Variants in NOL10 observed in about 807,000 individuals in gnomAD.
NOL10 encodes the protein nucleolar protein 10.
In NOL10, 58 loss-of-function variants were observed where a neutral mutation model predicts 103.5. That is an observed-to-expected ratio of 0.56 (90% CI 0.45 to 0.70). The LOEUF is 0.70. Ranked by LOEUF, NOL10 falls within the 30% of genes least tolerant of loss-of-function variation. The pLI is 0.00. For missense variants in NOL10, 763 were observed against 807.3 expected, an observed-to-expected ratio of 0.95 and a Z score of 0.67; for synonymous variants, 287 against 282.5, an observed-to-expected ratio of 1.02 and a Z score of -0.16.
Position 10,675,651 on chromosome 2 carries a change from T to C in NOL10, c.289+143A>G, listed in dbSNP as rs1351612690. ...ACACAACTGTGAGCTACTAAATGGA[T>C]GTTTTAAGCCATCGGGATTGTAGTA... On this transcript the variant is annotated intron_variant, in intron 4 of 20. Transcript: ENST00000381685. 1.3e-5 allele frequency: 7 copies of C among 554,536 alleles called. No individual in the cohort carries two copies. In the Admixed American group the frequency reaches 2.4e-4, roughly 19 times the overall value. The allele number at this position is 554,536 out of a possible 1,614,324, so 34.4% of individuals were successfully genotyped here. A position where few individuals can be genotyped will look rare whatever the true frequency, so the allele number is the denominator to read the frequency against.
intron 19 of NOL10, among the ~76,000 whole-genome samples, chr2:10,578,731 A>C (rs1674600323): frequency 6.6e-6 from 1 of 152,254 alleles, no homozygotes; most frequent in Non-Finnish European, 1.5e-5. Flanking sequence ...AATAAACTGA[A>C]TTAAGCCTAA....
At position 10,589,193 on chromosome 2, in the gene NOL10, C is replaced by A. The variant is rs141413971; in HGVS notation, c.1694G>T (p.Arg565Leu). 3.4e-5 allele frequency: 55 copies of A among 1,613,982 alleles called. No homozygotes were observed. Among genetic ancestry groups the A allele is most frequent in the Non-Finnish European group, 4.6e-5 (54 of 1,179,872 alleles). ...TTTTTCCTCCTGCTGGAGGAGTCTG[C>A]GTTGCTTCCTGACCTCTTCAACCCA... ...KAWVEEVRKQ[R>L]RLLQQEEKVK... is the part of the protein sequence containing the mutation. The change falls in exon 19 of 21, where the codon CGC becomes CTC. Residue 565 changes from arginine to leucine, a missense_variant. Physicochemically the swap from Arg to Leu is moderately radical, Grantham distance 102. Coordinates refer to ENST00000381685, the MANE Select transcript of NOL10 (RefSeq NM_024894.4).
At chr2:10,592,968 T>C (rs1675468379) in intron 17 of NOL10, among the ~76,000 whole-genome samples, 1 of 152,154 alleles carries the variant, frequency 6.6e-6, no homozygotes, top group Non-Finnish European at 1.5e-5. Flanking sequence ...CGTCTACACA[T>C]GCTCAACTTT....
rs189697659 is a variant in NOL10, at chr2:10,580,799, G to A, written c.1845-3061C>T. Among the ~76,000 whole-genome samples the A allele has an allele frequency of 5.9e-5, 9 of 152,064 alleles. No individual in the cohort carries two copies. The East Asian group carries it at 9.7e-4, about 16-fold the overall frequency. ...CCTCAGATGAGAGGTTTTGAATCCCGCTGCATGGAAGGGGCGGTGTGGGGG... is the reference window on the plus strand; with the variant it reads ...CCTCAGATGAGAGGTTTTGAATCCCACTGCATGGAAGGGGCGGTGTGGGGG... On this transcript the variant is annotated intron_variant, in intron 19 of 20. Transcript: ENST00000381685.
chr2:10,641,675 C>T (rs73915072), intron 13 of NOL10, among the ~76,000 whole-genome samples: 2,414 of 152,276 alleles, frequency 0.016, 61 homozygotes, highest in African/African-American at 0.054. Flanking sequence ...AAGCAAAAAC[C>T]GGGGTGTCAT....
chr2:10,635,634 C>G (rs749805020), intron 13 of NOL10, among the ~76,000 whole-genome samples: 4 of 152,190 alleles, frequency 2.6e-5, no homozygotes, highest in Non-Finnish European at 5.9e-5. Flanking sequence ...CCTTCCTTCA[C>G]AGCGCTTAGT....
chr2:10,614,248 G>C (rs114552608), intron 13 of NOL10, among the ~76,000 whole-genome samples: 5,662 of 152,102 alleles, frequency 0.037, 205 homozygotes, highest in African/African-American at 0.094. Context: ...ACATGAGCCA[G>C]AGTGCCCAGC....
chr2:10,585,817 C>T (rs748383138), intron 19 of NOL10, among the ~76,000 whole-genome samples: 3 of 152,110 alleles, frequency 2.0e-5, no homozygotes, highest in Non-Finnish European at 2.9e-5. Context: ...AGTTGTTATA[C>T]TATTGTTTAG....
intron 13 of NOL10, among the ~76,000 whole-genome samples, chr2:10,623,686 G>A (rs1053021962): frequency 6.6e-6 from 1 of 152,036 alleles, no homozygotes; most frequent in Non-Finnish European, 1.5e-5. Context: ...ACAAATGTTT[G>A]TATAATAAAT....
At chr2:10,584,504 T>A (rs1426679817) in intron 19 of NOL10, among the ~76,000 whole-genome samples, 1 of 97,332 alleles carries the variant, frequency 1.0e-5, no homozygotes, top group East Asian at 3.1e-4. Flanking sequence ...CCTTTCCCTT[T>A]ATAGAAACAT....
chr2:10,657,100 T>C (rs750707168), intron 11 of NOL10, among the ~76,000 whole-genome samples: 20 of 152,070 alleles, frequency 1.3e-4, no homozygotes, highest in Non-Finnish European at 2.1e-4. Context: ...AGGCGGATCA[T>C]TTGAGGCCAG....
chr2:10,648,686 TCTAAA>T, intron 12 of NOL10, among the ~76,000 whole-genome samples: 1 of 152,218 alleles, frequency 6.6e-6, no homozygotes, highest in African/African-American at 2.4e-5. Flanking sequence ...CCAAATTTAA[TCTAAA>T]CTTAATTAAG....
At position 10,615,524 on chromosome 2, in the gene NOL10, G is replaced by C. The variant is rs117367381; in HGVS notation, c.1027-8213C>G. Reference sequence around the variant, plus strand: ...AACACCAAATTAAAACTGATGTTAAGAAACACAGAGAGCTTTTGGTTAATA... The same window carrying C: ...AACACCAAATTAAAACTGATGTTAACAAACACAGAGAGCTTTTGGTTAATA... On this transcript the variant is annotated intron_variant, in intron 13 of 20. Transcript: ENST00000381685. 5.8e-4 allele frequency among the ~76,000 whole-genome samples: 89 copies of C among 152,292 alleles called. 2 individuals carry two copies. The East Asian group carries it at 0.013, about 23-fold the overall frequency.
In NOL10 at chr2:10,654,498, C is replaced by A. The variant is rs751548430; in HGVS notation, c.956G>T (p.Cys319Phe). Reference protein sequence around the residue: ...LEPEHDLNDVCLYPNSGMLLT... With the variant: ...LEPEHDLNDVFLYPNSGMLLT... ...ATGCATACCTGAGTTGGGGTAGAGA[C>A]AAACATCATTAAGGTCATGCTCTGG... The change falls in exon 12 of 21, where the codon TGT (cysteine) becomes TTT (phenylalanine). Residue 319 changes from cysteine to phenylalanine, a missense_variant. Physicochemically the swap from Cys to Phe is radical, Grantham distance 205. Transcript: ENST00000381685. The A allele has an allele frequency of 1.2e-6, 2 of 1,601,226 alleles. No homozygotes were observed.
At chr2:10,593,880 A>G (rs1675525899) in intron 17 of NOL10, among the ~76,000 whole-genome samples, 1 of 152,116 alleles carries the variant, frequency 6.6e-6, no homozygotes, top group Non-Finnish European at 1.5e-5. Flanking sequence ...TTACCCCCCC[A>G]AGCAGGAGGA....
chr2:10,606,478 C>T (rs916784416), intron 14 of NOL10, among the ~76,000 whole-genome samples: 7 of 151,728 alleles, frequency 4.6e-5, no homozygotes, highest in Admixed American at 2.0e-4. Context: ...CATGGCAGTG[C>T]ACATCTGTAA....
At chr2:10,674,108 T>G (rs1379620697) in intron 4 of NOL10, among the ~76,000 whole-genome samples, 2 of 151,508 alleles carry the variant, frequency 1.3e-5, no homozygotes, top group Non-Finnish European at 1.5e-5. Flanking sequence ...ATCCCAGCTA[T>G]TTGGGAGGCG....
At chr2:10,665,872 CT>C (rs1280061771) in intron 8 of NOL10, among the ~76,000 whole-genome samples, 1 of 152,146 alleles carries the variant, frequency 6.6e-6, no homozygotes, top group African/African-American at 2.4e-5. Flanking sequence ...AAATATTAAT[CT>C]TTTTTTAAAA....
At chr2:10,684,668 G>T in intron 1 of NOL10, 56 bp from the exon 2 acceptor site, 1 of 1,395,454 alleles carries the variant, frequency 7.2e-7, no homozygotes, top group South Asian at 1.3e-5. Context: ...ATTGTTTTTC[G>T]GCTTGCAAAA....
Sources: allele counts gnomAD v4.1 joint callset (sites outside exome capture counted in the v4.1 genomes callset), GRCh38; gene constraint gnomAD v4.1.1; transcripts MANE v1.5; gene names NCBI Gene and HGNC (gene_info 2026-07-23, HGNC 2026-07-21).